Variants in DMD observed in about 807,000 individuals in gnomAD.
The protein encoded by DMD is dystrophin, also known as mutant dystrophin.
In DMD, 63 loss-of-function variants were observed where a neutral mutation model predicts 330.1. The ratio of observed to expected loss-of-function variants is 0.19; its 90% CI spans 0.16 to 0.24. The LOEUF is 0.24. Ranked by LOEUF, DMD falls within the 10% of genes least tolerant of loss-of-function variation. The probability of loss-of-function intolerance (pLI) is 1.00; values close to 1 mark genes in which losing one functional copy is unlikely to be tolerated. For synonymous variants in DMD, 1,223 were observed against 959.8 expected (o/e 1.27, Z -5.07); for missense variants, 3,344 against 2,684.1 (o/e 1.25, Z -5.43).
intron 63 of DMD, among the ~76,000 whole-genome samples, chrX:31,249,295 G>A (rs1274731375): frequency 1.8e-5 from 2 of 111,386 alleles, no homozygotes; most frequent in African/African-American, 6.5e-5. Context: ...AGGCTGAAGT[G>A]CAGTGGTGCG....
intron 76 of DMD, among the ~76,000 whole-genome samples, chrX:31,139,998 T>C (rs1485526059): frequency 8.9e-6 from 1 of 112,780 alleles, no homozygotes; most frequent in Non-Finnish European, 1.9e-5. Context: ...TACCGTGATA[T>C]AGCAAAATAT....
chrX:32,467,511 A>C (rs760498413), intron 23 of DMD, among the ~76,000 whole-genome samples: 1 of 110,282 alleles, frequency 9.1e-6, no homozygotes, highest in East Asian at 2.8e-4. Context: ...ATGGTGATAA[A>C]ATAAGTTATT....
chrX:32,058,766 C>T (rs2096200960), intron 44 of DMD, among the ~76,000 whole-genome samples: 1 of 111,170 alleles, frequency 9.0e-6, no homozygotes, highest in South Asian at 3.7e-4. Context: ...TAAACGAATT[C>T]AATTTAGGAT....
chrX:32,338,469 C>A lies in DMD; in HGVS notation c.5922+3631G>T, dbSNP rs1024109987. Among the ~76,000 whole-genome samples the A allele has an allele frequency of 3.6e-5, 4 of 110,342 alleles. No homozygotes were observed. The East Asian group carries it at 1.1e-3, about 31-fold the overall frequency. ...ATTTCCAGACTTTGTTTTTTCAAATCTTCGTTTTCACTTTATATAATGGCC... is the reference window on the plus strand; with the variant it reads ...ATTTCCAGACTTTGTTTTTTCAAATATTCGTTTTCACTTTATATAATGGCC... On this transcript the variant is annotated intron_variant, in intron 41 of 78. Coordinates refer to ENST00000357033, the MANE Select transcript of DMD (RefSeq NM_004006.3).
chrX:32,686,598 G>GAA (rs1264896376), intron 9 of DMD, among the ~76,000 whole-genome samples: 1 of 82,693 alleles, frequency 1.2e-5, no homozygotes, highest in Non-Finnish European at 2.4e-5. Context: ...GAAAAGAAAA[G>GAA]AAAGAAATGT....
intron 7 of DMD, among the ~76,000 whole-genome samples, chrX:32,782,436 G>C (rs1342345679): frequency 2.7e-5 from 3 of 111,810 alleles, no homozygotes; most frequent in Non-Finnish European, 5.6e-5. Context: ...AACATCCCAG[G>C]GAGTTGGAAC....
chrX:32,933,525 T>A (rs1239659554), intron 2 of DMD, among the ~76,000 whole-genome samples: 1 of 112,134 alleles, frequency 8.9e-6, no homozygotes, highest in Non-Finnish European at 1.9e-5. Context: ...ACAATTTAGC[T>A]CTGTGCTAAT....
chrX:32,289,027 C>T (rs1000259207), intron 42 of DMD, among the ~76,000 whole-genome samples: 19 of 111,960 alleles, frequency 1.7e-4, no homozygotes, highest in African/African-American at 6.2e-4. Flanking sequence ...GTTCCAACAG[C>T]TGCCCAGTTC....
intron 27 of DMD, among the ~76,000 whole-genome samples, chrX:32,445,972 G>C (rs2098302335): frequency 9.0e-6 from 1 of 110,927 alleles, no homozygotes; most frequent in Non-Finnish European, 1.9e-5. Context: ...GAGAATTTGA[G>C]AGTTGGAAGA....
chrX:32,088,655 A>AT (rs758767025), intron 44 of DMD, among the ~76,000 whole-genome samples: 11 of 102,398 alleles, frequency 1.1e-4, no homozygotes, highest in African/African-American at 4.0e-4. Context: ...TAAAGCAAAT[A>AT]TTTAAATGAA....
intron 62 of DMD, among the ~76,000 whole-genome samples, chrX:31,293,218 T>TGTGTGTGTGTGTGTAGTCTGGTTTA (rs2053893239): frequency 3.1e-5 from 3 of 95,877 alleles, no homozygotes; most frequent in African/African-American, 1.3e-4. Flanking sequence ...TGTGTGTGTG[T>TGTGTGTGTGTGTGTAGTCTGGTTTA]GTGTGTGTGT....
chrX:32,268,901 C>A (rs761320782), intron 43 of DMD, among the ~76,000 whole-genome samples: 2 of 108,738 alleles, frequency 1.8e-5, no homozygotes, highest in Admixed American at 9.9e-5. Flanking sequence ...GGTAGGAGAC[C>A]CCCCACCCCC....
At position 31,256,952 on chromosome X, in the gene DMD, C is replaced by G. The variant is rs146879543; in HGVS notation, c.9286+4003G>C. 1.0e-4 allele frequency among the ~76,000 whole-genome samples: 11 copies of G among 110,175 alleles called. No individual in the cohort carries two copies. In the East Asian group the frequency reaches 3.2e-3, roughly 32 times the overall value. On this transcript the variant is annotated intron_variant, in intron 63 of 78. Transcript: ENST00000357033. ...AAAAGGAATGAAAAAGAAAACCACC[C>G]AGAATGTATTAGAGAGCTCCAATGG... is the stretch of plus-strand genomic sequence containing the variant.
intron 4 of DMD, among the ~76,000 whole-genome samples, chrX:32,830,610 G>T (rs1370874272): frequency 9.0e-6 from 1 of 111,414 alleles, no homozygotes; most frequent in African/African-American, 3.3e-5. Context: ...TGTGAAAATT[G>T]ATATTCTGTG....
At chrX:32,789,349 C>G (rs2075647703) in intron 7 of DMD, among the ~76,000 whole-genome samples, 2 of 112,027 alleles carry the variant, frequency 1.8e-5, no homozygotes, top group Admixed American at 1.9e-4. Context: ...GAAGTCTAAA[C>G]AAATGCTGGG....
At chrX:32,914,345 G>A (rs1219419709) in intron 2 of DMD, among the ~76,000 whole-genome samples, 1 of 111,988 alleles carries the variant, frequency 8.9e-6, no homozygotes, top group Non-Finnish European at 1.9e-5. Flanking sequence ...TGTCAGCTCG[G>A]TACAGACCAG....
chrX:32,234,659 T>A (rs2097181109), intron 43 of DMD, among the ~76,000 whole-genome samples: 1 of 112,424 alleles, frequency 8.9e-6, no homozygotes, highest in Admixed American at 9.4e-5. Flanking sequence ...TATCTTTTCC[T>A]TCCTCCGATC....
intron 7 of DMD, among the ~76,000 whole-genome samples, chrX:32,755,628 A>T (rs2148330454): frequency 8.9e-6 from 1 of 112,375 alleles, no homozygotes; most frequent in East Asian, 2.8e-4. Context: ...TTCAAACAAT[A>T]TTCAATTATT....
At chrX:31,222,732 T>C (rs2046229216) in intron 64 of DMD, among the ~76,000 whole-genome samples, 1 of 111,210 alleles carries the variant, frequency 9.0e-6, no homozygotes, top group African/African-American at 3.3e-5. Context: ...AAAACAAAGG[T>C]AGAACAAGGA....
Sources: gnomAD v4.1 joint callset for allele counts (sites outside exome capture counted in the v4.1 genomes callset) on GRCh38, gnomAD v4.1.1 for gene constraint, MANE v1.5 for transcripts, NCBI Gene and HGNC (gene_info 2026-07-23, HGNC 2026-07-21) for gene names.